Variants in MAPK10 observed in about 807,000 individuals in gnomAD.
The protein encoded by MAPK10 is mitogen-activated protein kinase 10.
Under a neutral mutation model 59.3 loss-of-function variants are expected in MAPK10, and 25 were observed. The ratio of observed to expected loss-of-function variants is 0.42; its 90% CI spans 0.31 to 0.59. The LOEUF (loss-of-function observed/expected upper bound fraction) is 0.59. Among genes scored for constraint, MAPK10 ranks in the 20% least tolerant of loss-of-function variants. MAPK10 has a pLI of 0.15. For synonymous variants in MAPK10, 190 were observed against 200.5 expected (o/e 0.95, Z 0.44); for missense variants, 351 against 568.9 (o/e 0.62, Z 3.90).
chr4:86,179,134 G>T (rs963943818), intron 3 of MAPK10, among the ~76,000 whole-genome samples: 3 of 151,956 alleles, frequency 2.0e-5, no homozygotes, highest in Admixed American at 2.0e-4. Flanking sequence ...CCTGGGAAGT[G>T]GAGGTTGCAG....
chr4:86,048,824 T>A (rs972220259), intron 11 of MAPK10, among the ~76,000 whole-genome samples: 5 of 152,172 alleles, frequency 3.3e-5, no homozygotes, highest in Admixed American at 2.6e-4. Flanking sequence ...ATAATTTTTT[T>A]AATTCCAAAG....
intron 2 of MAPK10, among the ~76,000 whole-genome samples, chr4:86,220,537 G>T (rs7688495): frequency 0.085 from 12,958 of 152,106 alleles, 1,226 homozygotes; most frequent in African/African-American, 0.23. Flanking sequence ...AAGAATTTAA[G>T]AATTTAAATA....
At chr4:86,537,892 C>G (rs1478404582) in intron 1 of MAPK10, among the ~76,000 whole-genome samples, 5 of 152,084 alleles carry the variant, frequency 3.3e-5, no homozygotes, top group Admixed American at 3.3e-4. Flanking sequence ...TTTTATAAAT[C>G]TTTTCCCACC....
chr4:86,315,182 C>A (rs1206894562), intron 2 of MAPK10, among the ~76,000 whole-genome samples: 11 of 151,430 alleles, frequency 7.3e-5, no homozygotes, highest in Admixed American at 3.3e-4. Context: ...TTTATGTGAT[C>A]TAAAAATCAA....
chr4:86,308,658 T>C (rs2095613742), intron 2 of MAPK10: 1 of 152,170 alleles, frequency 6.6e-6, no homozygotes, highest in Non-Finnish European at 1.5e-5. Context: ...CACAAACTAC[T>C]TACTGATGAA....
intron 1 of MAPK10, among the ~76,000 whole-genome samples, chr4:86,558,161 C>G (rs1760408979): frequency 6.6e-6 from 1 of 152,076 alleles, no homozygotes; most frequent in South Asian, 2.1e-4. Context: ...GTGTTCTCTT[C>G]TATTAGCCCA....
intron 1 of MAPK10, among the ~76,000 whole-genome samples, chr4:86,506,322 C>T (rs564260276): frequency 3.0e-4 from 46 of 152,200 alleles, no homozygotes; most frequent in Non-Finnish European, 5.1e-4. Context: ...GTTTCTGAAT[C>T]TAATGGTCAA....
At position 86,318,915 on chromosome 4, in the gene MAPK10, T is replaced by C. The variant is rs191010869; in HGVS notation, c.-7+35615A>G. On this transcript the variant is annotated intron_variant, in intron 2 of 13. Coordinates refer to ENST00000641462, the MANE Select transcript of MAPK10 (RefSeq NM_138982.4). ...GCACTTCTTCACTTGAAAATTAAAG[T>C]GGGACAGCCTAGATTATCTCTAAAG... Among the ~76,000 whole-genome samples the C allele has an allele frequency of 5.5e-3, 827 of 151,316 alleles. 9 individuals carry two copies. Among genetic ancestry groups the C allele is most frequent in the African/African-American group, 0.019 (791 of 41,396 alleles).
chr4:86,474,466 A>T (rs1752906074), intron 1 of MAPK10, among the ~76,000 whole-genome samples: 1 of 152,252 alleles, frequency 6.6e-6, no homozygotes, highest in African/African-American at 2.4e-5. Context: ...ACACAGACTT[A>T]TCCATTGTCC....
intron 11 of MAPK10, among the ~76,000 whole-genome samples, chr4:86,037,259 GC>G (rs1238174538): frequency 1.3e-5 from 2 of 152,112 alleles, no homozygotes; most frequent in Non-Finnish European, 2.9e-5. Context: ...TGCTCTTTCT[GC>G]CTGTAATCCC....
At chr4:86,574,430 A>G (rs1220296283) in intron 1 of MAPK10, among the ~76,000 whole-genome samples, 1 of 151,490 alleles carries the variant, frequency 6.6e-6, no homozygotes, top group Non-Finnish European at 1.5e-5. Context: ...CAGTAATGGG[A>G]TGGCTGGGTC....
intron 2 of MAPK10, among the ~76,000 whole-genome samples, chr4:86,341,821 A>AAG (rs1725099611): frequency 1.6e-4 from 2 of 12,752 alleles, no homozygotes; most frequent in Admixed American, 1.0e-3. Context: ...ACCAAAAAAG[A>AAG]AAAAAAAAAA....
chr4:86,585,663 GCTCT>G (rs1762606866), intron 1 of MAPK10, among the ~76,000 whole-genome samples: 1 of 152,110 alleles, frequency 6.6e-6, no homozygotes, highest in African/African-American at 2.4e-5. Context: ...AATCGTTTCA[GCTCT>G]CTAAGACAAA....
chr4:86,043,288 G>T (rs1197317411), intron 11 of MAPK10, among the ~76,000 whole-genome samples: 2 of 152,210 alleles, frequency 1.3e-5, no homozygotes, highest in Non-Finnish European at 2.9e-5. Context: ...AATGGAGGCT[G>T]CAGGAGAACA....
intron 4 of MAPK10, among the ~76,000 whole-genome samples, chr4:86,134,235 A>T (rs1211892379): frequency 6.6e-6 from 1 of 152,226 alleles, no homozygotes; most frequent in African/African-American, 2.4e-5. Context: ...CTCCCTGAAG[A>T]GCCAATCTCT....
intron 3 of MAPK10, among the ~76,000 whole-genome samples, chr4:86,185,858 T>C (rs2078091790): frequency 6.6e-6 from 1 of 152,092 alleles, no homozygotes; most frequent in Non-Finnish European, 1.5e-5. Context: ...AGAGTAATTT[T>C]AGAGGATAGA....
chr4:86,514,941 C>A (rs1756545013), intron 1 of MAPK10, among the ~76,000 whole-genome samples: 1 of 151,946 alleles, frequency 6.6e-6, no homozygotes. Flanking sequence ...TTTGGTGCAC[C>A]CATCACCTGA....
chr4:86,490,629 C>T (rs1453224844), intron 1 of MAPK10, among the ~76,000 whole-genome samples: 2 of 152,182 alleles, frequency 1.3e-5, no homozygotes, highest in Non-Finnish European at 2.9e-5. Context: ...AAAGTCCAGC[C>T]CAGCTTCTGC....
chr4:86,379,793 T>C (rs1398596269), intron 1 of MAPK10, among the ~76,000 whole-genome samples: 1 of 152,176 alleles, frequency 6.6e-6, no homozygotes, highest in Non-Finnish European at 1.5e-5. Flanking sequence ...TAAATCTCTG[T>C]TCGAGGCTCT....
Sources: gnomAD v4.1 joint callset for allele counts (sites outside exome capture counted in the v4.1 genomes callset) on GRCh38, gnomAD v4.1.1 for gene constraint, MANE v1.5 for transcripts, NCBI Gene and HGNC (gene_info 2026-07-23, HGNC 2026-07-21) for gene names.